Variants in PHLPP1 observed in about 807,000 individuals in gnomAD.
PHLPP1 encodes the protein PH domain and leucine rich repeat protein phosphatase 1.
PHLPP1 carries 42 observed loss-of-function variants against 117.2 expected under a neutral mutation model. That is an observed-to-expected ratio of 0.36 (90% CI 0.28 to 0.46). The LOEUF (loss-of-function observed/expected upper bound fraction) is 0.46, where lower values mean the gene tolerates loss of function less well. PHLPP1 is among the 20% of genes least tolerant of loss of function. PHLPP1 has a pLI of 1.00. For synonymous variants in PHLPP1, 1,042 were observed against 970.7 expected, an observed-to-expected ratio of 1.07 and a Z score of -1.37; for missense variants, 2,084 against 2,241.9, an observed-to-expected ratio of 0.93 and a Z score of 1.42.
Position 62,879,965 on chromosome 18 carries a change from C to T in PHLPP1, c.2067-15046C>T, listed in dbSNP as rs528585407. 8.4e-4 allele frequency among the ~76,000 whole-genome samples: 128 copies of T among 152,072 alleles called. 2 individuals are homozygous for T. The Middle Eastern group carries it at 0.014, about 16-fold the overall frequency. Reference sequence around the variant, plus strand: ...TTCACTTTTGTAAACACTCATGGTACTTCCTCCCCCCACCCCCCAATGCCG... The same window carrying T: ...TTCACTTTTGTAAACACTCATGGTATTTCCTCCCCCCACCCCCCAATGCCG... On this transcript the variant is annotated intron_variant, in intron 4 of 16. Coordinates refer to ENST00000262719, the MANE Select transcript of PHLPP1 (RefSeq NM_194449.4).
chr18:62,867,748 G>A (rs956723281), intron 4 of PHLPP1, among the ~76,000 whole-genome samples: 3 of 152,064 alleles, frequency 2.0e-5, no homozygotes, highest in African/African-American at 7.2e-5. Context: ...ATTCTGCCAC[G>A]GCGATGCATG....
chr18:62,760,555 C>T (rs1479296095), intron 1 of PHLPP1, among the ~76,000 whole-genome samples: 1 of 152,212 alleles, frequency 6.6e-6, no homozygotes, highest in Non-Finnish European at 1.5e-5. Flanking sequence ...TTTACGTCAG[C>T]TCTCAAAGCT....
chr18:62,836,432 AAAATAAATAAAT>A (rs370894334), intron 2 of PHLPP1, among the ~76,000 whole-genome samples: 41,399 of 136,708 alleles, frequency 0.3, 6,416 homozygotes, highest in African/African-American at 0.35. Context: ...ACTCCATCTA[AAAATAAATAAAT>A]AAATAAATAA....
intron 1 of PHLPP1, among the ~76,000 whole-genome samples, chr18:62,790,087 A>G (rs1333123050): frequency 6.6e-6 from 1 of 152,238 alleles, no homozygotes; most frequent in Admixed American, 6.5e-5. Flanking sequence ...AAGAGAGTCA[A>G]TGCTTTCCAT....
intron 1 of PHLPP1, among the ~76,000 whole-genome samples, chr18:62,774,244 C>T (rs1912883694): frequency 6.6e-6 from 1 of 152,084 alleles, no homozygotes; most frequent in African/African-American, 2.4e-5. Flanking sequence ...TTTCCTGATA[C>T]TGTTCACTGC....
At chr18:62,827,497 G>A (rs1266910427) in intron 1 of PHLPP1, among the ~76,000 whole-genome samples, 1 of 152,134 alleles carries the variant, frequency 6.6e-6, no homozygotes, top group Non-Finnish European at 1.5e-5. Context: ...GATTGTCTAG[G>A]TATATATTAC....
intron 2 of PHLPP1, among the ~76,000 whole-genome samples, chr18:62,837,342 CAT>C (rs1381507918): frequency 2.0e-5 from 3 of 152,104 alleles, no homozygotes; most frequent in African/African-American, 7.2e-5. Context: ...ATTGGTAAAA[CAT>C]ATTTTTTCTA....
chr18:62,738,223 G>A (rs1911424911), intron 1 of PHLPP1, among the ~76,000 whole-genome samples: 1 of 151,934 alleles, frequency 6.6e-6, no homozygotes, highest in African/African-American at 2.4e-5. Context: ...AGATGTGGTG[G>A]CACATGCCTG....
intron 4 of PHLPP1, among the ~76,000 whole-genome samples, chr18:62,886,903 T>C (rs1183522110): frequency 6.6e-6 from 1 of 152,220 alleles, no homozygotes; most frequent in East Asian, 1.9e-4. Context: ...CAAATGAACA[T>C]GAGTTATATT....
At chr18:62,785,779 A>T (rs1032177869) in intron 1 of PHLPP1, among the ~76,000 whole-genome samples, 2 of 152,028 alleles carry the variant, frequency 1.3e-5, no homozygotes. Context: ...TTAATTTTGG[A>T]GGTGAGGAAA....
At chr18:62,930,562 T>C (rs1005252622) in intron 10 of PHLPP1, among the ~76,000 whole-genome samples, 5 of 152,210 alleles carry the variant, frequency 3.3e-5, no homozygotes, top group African/African-American at 1.2e-4. Context: ...TCCAGATTTA[T>C]AAAACGAATA....
At chr18:62,918,773 G>A (rs185716355) in intron 9 of PHLPP1, among the ~76,000 whole-genome samples, 5 of 151,968 alleles carry the variant, frequency 3.3e-5, no homozygotes, top group South Asian at 2.1e-4. Flanking sequence ...GACCTATTGC[G>A]CAGCATTGTA....
intron 10 of PHLPP1, among the ~76,000 whole-genome samples, chr18:62,920,486 G>T (rs1243504522): frequency 6.6e-6 from 1 of 152,114 alleles, no homozygotes; most frequent in Non-Finnish European, 1.5e-5. Context: ...CACATGTTTG[G>T]GACTTTGGGA....
intron 10 of PHLPP1, among the ~76,000 whole-genome samples, chr18:62,935,000 T>C (rs899614554): frequency 6.6e-6 from 1 of 152,220 alleles, no homozygotes; most frequent in Non-Finnish European, 1.5e-5. Flanking sequence ...ATTTTCACTC[T>C]TATTCAATAT....
At chr18:62,876,788 C>G (rs1221698433) in intron 4 of PHLPP1, among the ~76,000 whole-genome samples, 1 of 152,166 alleles carries the variant, frequency 6.6e-6, no homozygotes, top group Non-Finnish European at 1.5e-5. Flanking sequence ...GTGATTGTGT[C>G]TTAGAGGCTG....
At chr18:62,753,185 A>G (rs1911911717) in intron 1 of PHLPP1, among the ~76,000 whole-genome samples, 1 of 152,232 alleles carries the variant, frequency 6.6e-6, no homozygotes, top group African/African-American at 2.4e-5. Context: ...GCATGAGGAT[A>G]TGCTGCACAT....
intron 10 of PHLPP1, among the ~76,000 whole-genome samples, chr18:62,930,596 G>A (rs1175839904): frequency 1.3e-5 from 2 of 152,118 alleles, no homozygotes; most frequent in Admixed American, 6.5e-5. Flanking sequence ...AAGAGATAGC[G>A]ATACAGTAAA....
chr18:62,817,297 G>A (rs1914309797), intron 1 of PHLPP1, among the ~76,000 whole-genome samples: 1 of 152,078 alleles, frequency 6.6e-6, no homozygotes, highest in Non-Finnish European at 1.5e-5. Context: ...TAGTTGCCAA[G>A]GACATTTAAG....
Position 62,715,661 on chromosome 18 carries a change from G to GT in PHLPP1, c.-23_-22insT, listed in dbSNP as rs2122035890. ...CCGCCCGCTGCCTCCGGAGCTGGGG[G>GT]GGAAACGCGAAGCCCCACTGCAATG... is the stretch of plus-strand genomic sequence containing the variant. On this transcript the variant is annotated 5_prime_UTR_variant, in exon 1 of 17. Transcript: ENST00000262719. The GT allele has an allele frequency of 7.9e-7, 1 of 1,269,968 alleles. No homozygotes were observed. The highest frequency in any genetic ancestry group is 2.9e-5 in the South Asian group (1 of 34,308). 78.7% of individuals were successfully genotyped at this position (1,269,968 alleles called of 1,614,324 possible). A position where few individuals can be genotyped will look rare whatever the true frequency, so the allele number is the denominator to read the frequency against.
Sources: gnomAD v4.1 joint callset for allele counts (sites outside exome capture counted in the v4.1 genomes callset) on GRCh38, gnomAD v4.1.1 for gene constraint, MANE v1.5 for transcripts, NCBI Gene and HGNC (gene_info 2026-07-23, HGNC 2026-07-21) for gene names.